GABRB2: variants seen among roughly 807,000 people sequenced by gnomAD.
GABRB2 encodes gamma-aminobutyric acid type A receptor subunit beta2.
GABRB2 carries 16 observed loss-of-function variants against 54.7 expected under a neutral mutation model. The observed-to-expected ratio is 0.29, with a 90% confidence interval of 0.20 to 0.44. GABRB2 has a LOEUF of 0.44. GABRB2 is among the 20% of genes least tolerant of loss of function. GABRB2 has a pLI of 1.00. For synonymous variants in GABRB2, 244 were observed against 233.8 expected, an observed-to-expected ratio of 1.04 and a Z score of -0.40; for missense variants, 355 against 644.0, an observed-to-expected ratio of 0.55 and a Z score of 4.86.
At chr5:161,469,559 A>G (rs1758378364) in intron 3 of GABRB2, among the ~76,000 whole-genome samples, 1 of 152,046 alleles carries the variant, frequency 6.6e-6, no homozygotes, top group South Asian at 2.1e-4. Context: ...ACAACAAAAA[A>G]GGCAACCTAA....
At chr5:161,483,681 G>T (rs943377747) in intron 3 of GABRB2, among the ~76,000 whole-genome samples, 3 of 151,956 alleles carry the variant, frequency 2.0e-5, no homozygotes, top group African/African-American at 7.2e-5. Flanking sequence ...CAAACACATT[G>T]TAACAGAAAG....
chr5:161,536,143 A>G (rs891635965), intron 3 of GABRB2, among the ~76,000 whole-genome samples: 1 of 152,154 alleles, frequency 6.6e-6, no homozygotes, highest in Non-Finnish European at 1.5e-5. Context: ...AGTCTCAGGT[A>G]CTCTGTTGTA....
intron 5 of GABRB2, among the ~76,000 whole-genome samples, chr5:161,406,928 A>G (rs1274813628): frequency 6.6e-6 from 1 of 152,044 alleles, no homozygotes; most frequent in East Asian, 1.9e-4. Context: ...TATGGCTGAG[A>G]TTGACTGAGA....
chr5:161,381,935 T>C (rs1755482326), intron 5 of GABRB2, among the ~76,000 whole-genome samples: 1 of 152,202 alleles, frequency 6.6e-6, no homozygotes, highest in South Asian at 2.1e-4. Context: ...ATATGCAGTA[T>C]AATTTCAACA....
intron 4 of GABRB2, among the ~76,000 whole-genome samples, chr5:161,451,073 G>A (rs536412739): frequency 6.6e-6 from 1 of 152,284 alleles, no homozygotes; most frequent in South Asian, 2.1e-4. Flanking sequence ...ATATTTCAGT[G>A]TGAGATGACT....
intron 3 of GABRB2, among the ~76,000 whole-genome samples, chr5:161,516,742 T>C (rs1759963199): frequency 1.3e-5 from 2 of 152,348 alleles, no homozygotes; most frequent in South Asian, 4.1e-4. Context: ...ACTGAGAAGA[T>C]GAATTTATTT....
chr5:161,322,408 G>T (rs1005773031), intron 9 of GABRB2, among the ~76,000 whole-genome samples: 1 of 151,956 alleles, frequency 6.6e-6, no homozygotes, highest in Non-Finnish European at 1.5e-5. Context: ...GATAATTTTT[G>T]TACTTTTTCT....
chr5:161,400,897 C>A (rs1756164258), intron 5 of GABRB2, among the ~76,000 whole-genome samples: 1 of 152,142 alleles, frequency 6.6e-6, no homozygotes, highest in South Asian at 2.1e-4. Context: ...TTCAACTTAC[C>A]CAGGTTTTAC....
At chr5:161,313,891 C>A (rs1358220809) in intron 9 of GABRB2, among the ~76,000 whole-genome samples, 1 of 152,196 alleles carries the variant, frequency 6.6e-6, no homozygotes, top group Non-Finnish European at 1.5e-5. Context: ...TTCAGGACTG[C>A]CCGTGCTCTT....
chr5:161,386,432 A>T lies in GABRB2; in HGVS notation c.541+24543T>A, dbSNP rs577829899. On this transcript the variant is annotated intron_variant, in intron 5 of 9. Transcript: ENST00000393959. ...TAGGAGCATACAGACCTTATTCCTC[A>T]TACATTCCAGGAAGCTGAGTGATAT... Among the ~76,000 whole-genome samples the T allele has an allele frequency of 2.0e-5, 3 of 152,278 alleles. No individual in the cohort carries two copies. The East Asian group carries it at 5.8e-4, about 29-fold the overall frequency.
At chr5:161,302,557 T>G (rs1757569793) in intron 9 of GABRB2, among the ~76,000 whole-genome samples, 1 of 152,160 alleles carries the variant, frequency 6.6e-6, no homozygotes, top group African/African-American at 2.4e-5. Flanking sequence ...GAAATCCAAG[T>G]TCACCAGTCA....
At chr5:161,503,582 C>T (rs976722727) in intron 3 of GABRB2, among the ~76,000 whole-genome samples, 2 of 151,922 alleles carry the variant, frequency 1.3e-5, no homozygotes, top group African/African-American at 4.8e-5. Context: ...GTGGTGCATG[C>T]CTGCAATCCC....
intron 5 of GABRB2, among the ~76,000 whole-genome samples, chr5:161,389,571 AGTGTGT>A (rs10666283): frequency 1.4e-5 from 2 of 145,930 alleles, no homozygotes; most frequent in Non-Finnish European, 1.5e-5. Context: ...ATGTTTGTGG[AGTGTGT>A]GTGTGTGTGT....
intron 5 of GABRB2, among the ~76,000 whole-genome samples, chr5:161,385,672 A>G (rs577766100): frequency 4.3e-4 from 65 of 152,234 alleles, no homozygotes; most frequent in Admixed American, 1.0e-3. Flanking sequence ...TGCGTTAACT[A>G]CTAGGTATAA....
Position 161,474,495 on chromosome 5 carries a change from T to C in GABRB2, c.238-14651A>G, listed in dbSNP as rs116728006. Among the ~76,000 whole-genome samples, 371 of 152,128 alleles carry C rather than the reference T, an allele frequency of 2.4e-3. 2 individuals are homozygous for C. The highest frequency in any genetic ancestry group is 8.4e-3 in the African/African-American group (347 of 41,540). On this transcript the variant is annotated intron_variant, in intron 3 of 9. Coordinates refer to ENST00000393959, the MANE Select transcript of GABRB2 (RefSeq NM_001371727.1). ...GAAAAATATCATAATTTAGCTTTTCTAATGCTTCAGAATCATTGCTATTTT... is the reference window on the plus strand; with the variant it reads ...GAAAAATATCATAATTTAGCTTTTCCAATGCTTCAGAATCATTGCTATTTT...
chr5:161,452,495 TG>T (rs1248479801), intron 4 of GABRB2, among the ~76,000 whole-genome samples: 2 of 152,204 alleles, frequency 1.3e-5, no homozygotes, highest in African/African-American at 4.8e-5. Flanking sequence ...ATTATACCTA[TG>T]TGACCTTCTT....
intron 3 of GABRB2, among the ~76,000 whole-genome samples, chr5:161,482,355 G>T (rs754894754): frequency 6.6e-6 from 1 of 152,070 alleles, no homozygotes; most frequent in Non-Finnish European, 1.5e-5. Flanking sequence ...TTGATTGAAA[G>T]AATTCAGATA....
intron 4 of GABRB2, among the ~76,000 whole-genome samples, chr5:161,441,325 T>A (rs939686963): frequency 6.6e-6 from 1 of 152,142 alleles, no homozygotes; most frequent in African/African-American, 2.4e-5. Flanking sequence ...AAAGAAGACA[T>A]ACAAATCACA....
At chr5:161,514,264 A>G (rs553473210) in intron 3 of GABRB2, among the ~76,000 whole-genome samples, 1 of 152,228 alleles carries the variant, frequency 6.6e-6, no homozygotes, top group Admixed American at 6.6e-5. Flanking sequence ...CCCAGCTTAA[A>G]TAAAACCTCC....
Sources: allele counts gnomAD v4.1 joint callset (sites outside exome capture counted in the v4.1 genomes callset), GRCh38; gene constraint gnomAD v4.1.1; transcripts MANE v1.5; gene names NCBI Gene and HGNC (gene_info 2026-07-23, HGNC 2026-07-21).